The following LGALS2 variants were observed in gnomAD, a reference collection of about 807,000 sequenced individuals.
The protein encoded by LGALS2 is galectin-2.
Under a neutral mutation model 10.1 loss-of-function variants are expected in LGALS2, and 7 were observed. That is an observed-to-expected ratio of 0.70 (90% CI 0.40 to 1.31). The LOEUF (loss-of-function observed/expected upper bound fraction) is 1.31. LGALS2 is among the 50% of genes most tolerant of loss of function. The pLI is 0.01. For synonymous variants in LGALS2, 86 were observed against 64.2 expected, an observed-to-expected ratio of 1.34 and a Z score of -1.63; for missense variants, 167 against 163.6, an observed-to-expected ratio of 1.02 and a Z score of -0.11.
At chr22:37,571,735 C>T in intron 2 of LGALS2, 114 bp downstream of exon 2, 1 of 784,410 alleles carries the variant, frequency 1.3e-6, no homozygotes, top group Non-Finnish European at 2.2e-6. Flanking sequence ...TGAAAAAGGG[C>T]CCATTGGCCT....
chr22:37,575,674 C>T (rs1601461195), intron 1 of LGALS2, among the ~76,000 whole-genome samples: 2 of 151,412 alleles, frequency 1.3e-5, no homozygotes, highest in Non-Finnish European at 2.9e-5. Flanking sequence ...AGGCCAGCCT[C>T]GACCTCCTGA....
chr22:37,576,638 A>G (rs1373675649), intron 1 of LGALS2, among the ~76,000 whole-genome samples: 1 of 152,116 alleles, frequency 6.6e-6, no homozygotes, highest in Non-Finnish European at 1.5e-5. Context: ...ACCAAGCATC[A>G]GGAGATGGCT....
At chr22:37,572,230 C>T (rs1410632314) in intron 1 of LGALS2, among the ~76,000 whole-genome samples, 1 of 152,212 alleles carries the variant, frequency 6.6e-6, no homozygotes, top group East Asian at 1.9e-4. Context: ...CTGCCCAGTT[C>T]CGCAAAGTGT....
chr22:37,571,798 C>A, intron 2 of LGALS2, 51 bp downstream of exon 2: 1 of 1,485,622 alleles, frequency 6.7e-7, no homozygotes, highest in Non-Finnish European at 9.4e-7. Context: ...GCCCCACCCG[C>A]CCTGCCTATT....
chr22:37,577,336 A>C (rs1268528483), intron 1 of LGALS2, among the ~76,000 whole-genome samples: 1 of 147,422 alleles, frequency 6.8e-6, no homozygotes, highest in Non-Finnish European at 1.5e-5. Context: ...GTCCACCTGG[A>C]ACCTGTCAAT....
At position 37,579,263 on chromosome 22, in the gene LGALS2, A is replaced by AAAAAAAAAAAG. The variant is rs71195028; in HGVS notation, c.6+636_6+637insCTTTTTTTTTT. Among the ~76,000 whole-genome samples, 89 of 121,324 alleles carry AAAAAAAAAAAG rather than the reference A, an allele frequency of 7.3e-4. 1 individual carries two copies. Among genetic ancestry groups the AAAAAAAAAAAG allele is most frequent in the Non-Finnish European group, 1.2e-3 (70 of 59,668 alleles). The allele number at this position is 121,324 out of a possible 152,430, so 79.6% of individuals were successfully genotyped here. On this transcript the variant is annotated intron_variant, in intron 1 of 3. Transcript: ENST00000215886. The stretch of plus-strand genomic sequence containing the variant: ...ACTCCATCTCAAAAAAAAAAAAAAA[A>AAAAAAAAAAAG]AGAGAAAGAAAAGAAACAAACAAAA...
rs565713492 is a variant in LGALS2 at position 37,573,347 on chromosome 22, C to G, written c.7-1416G>C. Among the ~76,000 whole-genome samples, 7 of 152,324 alleles carry G rather than the reference C, an allele frequency of 4.6e-5. No individual in the cohort carries two copies. In the South Asian group the frequency reaches 1.4e-3, roughly 32 times the overall value. On this transcript the variant is annotated intron_variant, in intron 1 of 3. Coordinates refer to ENST00000215886, the MANE Select transcript of LGALS2 (RefSeq NM_006498.3). ...AAGTCCTATGTCCATCAAAGTCTCT[C>G]TCCAAGCCTCACTTTCCCCTTCTGT...
chr22:37,571,781 C>T (rs1010093156), intron 2 of LGALS2, 68 bp downstream of exon 2: 4 of 1,319,044 alleles, frequency 3.0e-6, no homozygotes, highest in Non-Finnish European at 4.4e-6. Flanking sequence ...ACAGGGCTGC[C>T]CTGCCTGCCC....
At chr22:37,570,839 G>T in intron 2 of LGALS2, 104 bp from the exon 3 acceptor site, 1 of 1,306,632 alleles carries the variant, frequency 7.7e-7, no homozygotes. Context: ...ATCAAAGCTT[G>T]TGTTAGTTGA....
At chr22:37,576,668 C>T (rs1925692563) in intron 1 of LGALS2, among the ~76,000 whole-genome samples, 1 of 152,166 alleles carries the variant, frequency 6.6e-6, no homozygotes, top group East Asian at 1.9e-4. Context: ...CTGCCAGCAG[C>T]CTGTGCCCAC....
intron 1 of LGALS2, among the ~76,000 whole-genome samples, chr22:37,572,796 T>TAATAATAATAATAATA (rs1167291713): frequency 1.4e-5 from 2 of 138,468 alleles, no homozygotes; most frequent in African/African-American, 5.8e-5. Flanking sequence ...ATAATAATAA[T>TAATAATAATAATAATA]AATAAATAAA....
intron 1 of LGALS2, among the ~76,000 whole-genome samples, chr22:37,572,950 G>A (rs1276860017): frequency 1.4e-5 from 2 of 147,708 alleles, no homozygotes; most frequent in South Asian, 2.2e-4. Flanking sequence ...CAGCCTGGGC[G>A]ACAAGAGTGA....
At chr22:37,578,653 G>A (rs570817284) in intron 1 of LGALS2, 2 of 151,874 alleles carry the variant, frequency 1.3e-5, no homozygotes, top group African/African-American at 2.4e-5. Flanking sequence ...TCATCTCTAC[G>A]AAAAATAAGA....
intron 1 of LGALS2, among the ~76,000 whole-genome samples, chr22:37,578,006 C>T (rs1165465674): frequency 6.6e-5 from 10 of 152,354 alleles, no homozygotes; most frequent in South Asian, 2.1e-4. Context: ...AAACGTCTAT[C>T]GTGTGAAGCC....
Position 37,579,902 on chromosome 22 carries a change from T to C in LGALS2, c.4A>G (p.Thr2Ala), listed in dbSNP as rs201975497. The C allele has an allele frequency of 3.5e-5, 56 of 1,610,928 alleles. No homozygotes were observed. In the African/African-American group the frequency reaches 6.1e-4, roughly 18 times the overall value. The change falls in exon 1 of 4, where the codon ACG (threonine) becomes GCG (alanine). Residue 2 changes from threonine (T) to alanine (A), a missense_variant and splice_region_variant. Transcript: ENST00000215886. The stretch of plus-strand genomic sequence containing the variant: ...CAGCAGGGGGCTAGTGTCCTCACCG[T>C]CATGGTGACAGCTCCTGGCGGCAGC... MTGELEVKNMDM... is the reference protein window; with the variant it reads MAGELEVKNMDM...
rs7290697 is a variant in LGALS2 at position 37,576,268 on chromosome 22, C to T, written c.6+3632G>A. 2.8e-3 allele frequency among the ~76,000 whole-genome samples: 428 copies of T among 151,868 alleles called. 2 individuals carry two copies. Among genetic ancestry groups the T allele is most frequent in the South Asian group, 6.2e-3 (30 of 4,806 alleles). On this transcript the variant is annotated intron_variant, in intron 1 of 3. Transcript: ENST00000215886. The stretch of plus-strand genomic sequence containing the variant: ...GAGAGTGAGATCATCCTGGCTAACA[C>T]GGTGAAACCCTGTCTCTACTAAAAA...
chr22:37,572,034 A>C, intron 1 of LGALS2, 103 bp from the exon 2 acceptor site: 1 of 929,212 alleles, frequency 1.1e-6, no homozygotes. Flanking sequence ...TGCAGGTCTC[A>C]ATCCCCCTGC....
intron 1 of LGALS2, 27 bp from the exon 2 acceptor site, chr22:37,571,958 C>T (rs114178176): frequency 1.3e-5 from 21 of 1,581,740 alleles, no homozygotes; most frequent in African/African-American, 2.7e-5. Context: ...ACATTCCACT[C>T]GAGTCCCCAC....
chr22:37,578,137 C>T (rs1026620671), intron 1 of LGALS2, among the ~76,000 whole-genome samples: 18 of 152,236 alleles, frequency 1.2e-4, no homozygotes, highest in African/African-American at 4.1e-4. Flanking sequence ...GGCTCAGAGA[C>T]GGTCAGTGAC....
Sources: allele counts gnomAD v4.1 joint callset (sites outside exome capture counted in the v4.1 genomes callset), GRCh38; gene constraint gnomAD v4.1.1; transcripts MANE v1.5; gene names NCBI Gene and HGNC (gene_info 2026-07-23, HGNC 2026-07-21).